Variants in GRIN2A observed in about 807,000 individuals in gnomAD.
The protein encoded by GRIN2A is glutamate receptor ionotropic, NMDA 2A.
GRIN2A carries 22 observed loss-of-function variants against 113.4 expected under a neutral mutation model. That is an observed-to-expected ratio of 0.19 (90% CI 0.14 to 0.28). The LOEUF (loss-of-function observed/expected upper bound fraction) is 0.28. Among genes scored for constraint, GRIN2A ranks in the 10% least tolerant of loss-of-function variants. The pLI is 1.00. For missense variants in GRIN2A, 1,502 were observed against 1,887.0 expected (o/e 0.80, Z 3.78); for synonymous variants, 827 against 738.4 (o/e 1.12, Z -1.94).
chr16:9,981,358 A>G (rs2045888801), intron 2 of GRIN2A, among the ~76,000 whole-genome samples: 1 of 152,218 alleles, frequency 6.6e-6, no homozygotes, highest in African/African-American at 2.4e-5. Context: ...AGGTTCACAT[A>G]AACTTGGGTC....
At chr16:10,002,021 C>A (rs1341592965) in intron 2 of GRIN2A, among the ~76,000 whole-genome samples, 1 of 152,116 alleles carries the variant, frequency 6.6e-6, no homozygotes. Flanking sequence ...TAAAATGTAG[C>A]TACTAATATC....
At chr16:9,870,375 G>C (rs1224590202) in intron 4 of GRIN2A, among the ~76,000 whole-genome samples, 1 of 151,152 alleles carries the variant, frequency 6.6e-6, no homozygotes, top group Admixed American at 6.6e-5. Context: ...AAAATGAAAA[G>C]AAATAGAAAA....
Position 9,900,403 on chromosome 16 carries a change from A to G in GRIN2A, c.1008-9303T>C, listed in dbSNP as rs141515437. The stretch of plus-strand genomic sequence containing the variant: ...GCATCCAACTCTATTCAGGGAGCAC[A>G]CCTGAGTCAAGGGTGACTCCTTAAG... On this transcript the variant is annotated intron_variant, in intron 3 of 12. Coordinates refer to ENST00000330684, the MANE Select transcript of GRIN2A (RefSeq NM_001134407.3). Among the ~76,000 whole-genome samples the G allele has an allele frequency of 2.6e-5, 4 of 152,324 alleles. No individual in the cohort carries two copies. The East Asian group carries it at 5.8e-4, about 22-fold the overall frequency.
intron 2 of GRIN2A, among the ~76,000 whole-genome samples, chr16:10,050,378 T>G (rs562127640): frequency 2.5e-4 from 38 of 152,234 alleles, no homozygotes; most frequent in African/African-American, 9.1e-4. Flanking sequence ...AGTGAAGCTT[T>G]ATCTGTATTT....
chr16:9,829,120 A>C (rs1025903155), intron 9 of GRIN2A, among the ~76,000 whole-genome samples: 2 of 152,168 alleles, frequency 1.3e-5, no homozygotes, highest in African/African-American at 4.8e-5. Context: ...CAACCTAAGC[A>C]CTTGAGTCAT....
chr16:9,982,966 A>C (rs2045917854), intron 2 of GRIN2A, among the ~76,000 whole-genome samples: 1 of 152,322 alleles, frequency 6.6e-6, no homozygotes, highest in African/African-American at 2.4e-5. Context: ...AAAATACATC[A>C]TAAGTTCATA....
chr16:10,140,322 T>A (rs757638458), intron 2 of GRIN2A, among the ~76,000 whole-genome samples: 1 of 152,078 alleles, frequency 6.6e-6, no homozygotes, highest in Admixed American at 6.6e-5. Flanking sequence ...GAAGAGTCCC[T>A]GGTGAAGAAA....
intron 2 of GRIN2A, among the ~76,000 whole-genome samples, chr16:10,065,272 C>T (rs2047627308): frequency 6.6e-6 from 1 of 152,198 alleles, no homozygotes; most frequent in Non-Finnish European, 1.5e-5. Flanking sequence ...CAAGAGCATG[C>T]TGTGTGGAGT....
At chr16:9,918,269 G>A (rs1457639433) in intron 3 of GRIN2A, among the ~76,000 whole-genome samples, 1 of 152,088 alleles carries the variant, frequency 6.6e-6, no homozygotes, top group Non-Finnish European at 1.5e-5. Context: ...CTATCCACAG[G>A]GAATATGTTC....
intron 2 of GRIN2A, among the ~76,000 whole-genome samples, chr16:9,961,152 G>T (rs1358222347): frequency 6.6e-6 from 1 of 152,150 alleles, no homozygotes; most frequent in Admixed American, 6.5e-5. Context: ...TTTACTTAAT[G>T]GCTCTTTATT....
Position 9,841,224 on chromosome 16 carries a change from C to A in GRIN2A, c.1329-120G>T, listed in dbSNP as rs528717479. 7.9e-5 allele frequency: 66 copies of A among 838,502 alleles called. No homozygotes were observed. In the South Asian group the frequency reaches 8.8e-4, roughly 11 times the overall value. 51.9% of individuals were successfully genotyped at this position (838,502 alleles called of 1,614,324 possible). ...AACTGAAGTTTAAAAGGGGAAGTGGCTTTCCCAAGGACACACTGTGAGTAC... is the reference window on the plus strand; with the variant it reads ...AACTGAAGTTTAAAAGGGGAAGTGGATTTCCCAAGGACACACTGTGAGTAC... On this transcript the variant is annotated intron_variant, in intron 5 of 12. Coordinates refer to ENST00000330684, the MANE Select transcript of GRIN2A (RefSeq NM_001134407.3).
In GRIN2A at chr16:9,828,115, T is replaced by G. The variant is rs566134785; in HGVS notation, c.2007+1308A>C. On this transcript the variant is annotated intron_variant, in intron 9 of 12. Transcript: ENST00000330684. Reference sequence around the variant, plus strand: ...CAGAAATTCCAGGAGGAGCCAACCATGAGAAGATTGGGGAAGAACATTCTA... The same window carrying G: ...CAGAAATTCCAGGAGGAGCCAACCAGGAGAAGATTGGGGAAGAACATTCTA... Among the ~76,000 whole-genome samples the G allele has an allele frequency of 3.8e-4, 58 of 152,074 alleles. 3 individuals carry two copies. In the South Asian group the frequency reaches 8.7e-3, roughly 23 times the overall value.
intron 11 of GRIN2A, among the ~76,000 whole-genome samples, chr16:9,786,958 T>C (rs1304438641): frequency 1.3e-5 from 2 of 152,212 alleles, no homozygotes; most frequent in Non-Finnish European, 2.9e-5. Context: ...CAATAAAGTC[T>C]TGTCAGAGGG....
intron 2 of GRIN2A, among the ~76,000 whole-genome samples, chr16:10,151,156 A>G (rs1274216680): frequency 5.3e-5 from 8 of 152,224 alleles, no homozygotes; most frequent in Non-Finnish European, 8.8e-5. Flanking sequence ...TGATGAGTCT[A>G]TTAAATGCAC....
At chr16:9,948,382 G>C (rs1246549169) in intron 2 of GRIN2A, among the ~76,000 whole-genome samples, 1 of 152,164 alleles carries the variant, frequency 6.6e-6, no homozygotes, top group Non-Finnish European at 1.5e-5. Flanking sequence ...GCAAGCTCCC[G>C]AGTGGCATCA....
chr16:9,768,721 G>A, intron 12 of GRIN2A, 130 bp downstream of exon 12: 1 of 775,656 alleles, frequency 1.3e-6, no homozygotes, highest in South Asian at 1.4e-5. Flanking sequence ...ACAAAATCTG[G>A]ATGCTCTTGT....
intron 2 of GRIN2A, among the ~76,000 whole-genome samples, chr16:9,952,711 A>G (rs909742952): frequency 2.6e-5 from 4 of 152,182 alleles, no homozygotes; most frequent in Non-Finnish European, 4.4e-5. Flanking sequence ...CTGTTTGTTC[A>G]TTGATCCCAA....
At chr16:9,814,406 G>T (rs1045907650) in intron 10 of GRIN2A, among the ~76,000 whole-genome samples, 3 of 152,128 alleles carry the variant, frequency 2.0e-5, no homozygotes, top group Non-Finnish European at 4.4e-5. Context: ...TACCCAGATC[G>T]TAGGGGTGTT....
chr16:9,942,310 G>C (rs1385373087), intron 2 of GRIN2A, among the ~76,000 whole-genome samples: 2 of 152,154 alleles, frequency 1.3e-5, no homozygotes, highest in Non-Finnish European at 2.9e-5. Flanking sequence ...CAGCTTTATA[G>C]TTGAAATACC....
Sources: allele counts gnomAD v4.1 joint callset (sites outside exome capture counted in the v4.1 genomes callset), GRCh38; gene constraint gnomAD v4.1.1; transcripts MANE v1.5; gene names NCBI Gene and HGNC (gene_info 2026-07-23, HGNC 2026-07-21).